Variants in POTEJ observed in about 807,000 individuals in gnomAD.
POTEJ encodes the protein POTE ankyrin domain family, member J.
Under a neutral mutation model 69.0 loss-of-function variants are expected in POTEJ, and 11 were observed. The ratio of observed to expected loss-of-function variants is 0.16; its 90% CI spans 0.10 to 0.26. The LOEUF is 0.26. Among genes scored for constraint, POTEJ ranks in the 10% least tolerant of loss-of-function variants. The pLI is 1.00. For synonymous variants in POTEJ, 117 were observed against 381.1 expected, an observed-to-expected ratio of 0.31 and a Z score of 8.07; for missense variants, 327 against 1,045.5, an observed-to-expected ratio of 0.31 and a Z score of 9.48.
intron 10 of POTEJ, among the ~76,000 whole-genome samples, chr2:130,642,129 G>A (rs1686404537): frequency 6.7e-6 from 1 of 149,268 alleles, no homozygotes; most frequent in South Asian, 2.1e-4. Flanking sequence ...TGTGCTTTGT[G>A]TTTTTCCCTC....
At chr2:130,642,825 C>T (rs1470424400) in intron 10 of POTEJ, among the ~76,000 whole-genome samples, 2 of 151,768 alleles carry the variant, frequency 1.3e-5, no homozygotes, top group African/African-American at 4.9e-5. Context: ...AGGCCTCGCT[C>T]CCGCTCTTGC....
At chr2:130,615,797 A>G (rs1283801470) in intron 1 of POTEJ, among the ~76,000 whole-genome samples, 1 of 148,054 alleles carries the variant, frequency 6.8e-6, no homozygotes, top group African/African-American at 2.6e-5. Flanking sequence ...AGTTTCATAA[A>G]TCCATTTTAA....
At position 130,611,780 on chromosome 2, in the gene POTEJ, G is replaced by T; in HGVS notation, c.248G>T (p.Trp83Leu). Residue 83 changes from tryptophan (W) to leucine (L), a missense_variant, in exon 1 of 15, where the codon TGG becomes TTG. Transcript: ENST00000409602. ...RGSGKSNVGA[W>L]GDYDDSAFVE... ...AGCGGCAAGAGCAACGTGGGTGCTTGGGGAGACTACGACGACAGCGCCTTC... is the reference window on the plus strand; with the variant it reads ...AGCGGCAAGAGCAACGTGGGTGCTTTGGGAGACTACGACGACAGCGCCTTC... 1 of 1,470,912 alleles carries T rather than the reference G, an allele frequency of 6.8e-7. No homozygotes were observed. Among genetic ancestry groups the T allele is most frequent in the East Asian group, 2.3e-5 (1 of 44,254 alleles). 91.1% of individuals were successfully genotyped at this position (1,470,912 alleles called of 1,614,324 possible). A position where few individuals can be genotyped will look rare whatever the true frequency, so the allele number is the denominator to read the frequency against.
rs1175326812 is a variant in POTEJ, at chr2:130,629,505, G to T, written c.1016-444G>T. Among the ~76,000 whole-genome samples the T allele has an allele frequency of 2.1e-5, 3 of 140,320 alleles. 1 individual carries two copies. The highest frequency in any genetic ancestry group is 4.6e-5 in the Non-Finnish European group (3 of 65,840). 92.1% of individuals were successfully genotyped at this position (140,320 alleles called of 152,430 possible). The stretch of plus-strand genomic sequence containing the variant: ...GGATGTCTGGAGCCCATACCTGTGG[G>T]CTCTGGCTTTTCAGGCAGGGTCACC... On this transcript the variant is annotated intron_variant, in intron 6 of 14. Transcript: ENST00000409602.
At chr2:130,639,977 G>A (rs1686284165) in intron 10 of POTEJ, among the ~76,000 whole-genome samples, 2 of 152,128 alleles carry the variant, frequency 1.3e-5, no homozygotes, top group African/African-American at 4.8e-5. Flanking sequence ...AGTGCTTACT[G>A]TGTGCTAGAT....
rs1558937368 is a variant in POTEJ at position 130,657,526 on chromosome 2, G to C, written c.2766G>C (p.Glu922Asp). 6.4e-7 allele frequency: 1 copy of C among 1,567,322 alleles called. No homozygotes were observed. Among genetic ancestry groups the C allele is most frequent in the East Asian group, 2.2e-5 (1 of 44,820 alleles). The change falls in exon 15 of 15, where the codon GAG becomes GAC. Residue 922 changes from glutamate (E) to aspartate (D), a missense_variant. By Grantham distance (45) the Glu-to-Asp change is conservative (BLOSUM62 2). Coordinates refer to ENST00000409602, the MANE Select transcript of POTEJ (RefSeq NM_001277083.2). ...TISNEWFRCP[E>D]ALFQPCFLGM... ...GCAACGAGTGGTTCCGCTGCCCCGA[G>C]GCGCTCTTCCAGCCTTGCTTCCTGG...
At chr2:130,633,424 AATTATC>A (rs1303036093) in intron 9 of POTEJ, among the ~76,000 whole-genome samples, 1 of 138,092 alleles carries the variant, frequency 7.2e-6, no homozygotes, top group African/African-American at 2.8e-5. Flanking sequence ...ATCAATAGGA[AATTATC>A]ATTATCAAAA....
intron 6 of POTEJ, among the ~76,000 whole-genome samples, chr2:130,625,127 G>T (rs1172586803): frequency 6.6e-6 from 1 of 152,178 alleles, no homozygotes; most frequent in Non-Finnish European, 1.5e-5. Context: ...TTATCAAAGA[G>T]CTTTTGTAAG....
rs1191649803 is a variant in POTEJ at position 130,657,405 on chromosome 2, T to G, written c.2645T>G (p.Val882Gly). 1.9e-6 allele frequency: 3 copies of G among 1,594,138 alleles called. No individual in the cohort carries two copies. The highest frequency in any genetic ancestry group is 2.2e-5 in the South Asian group (2 of 90,922). The change falls in exon 15 of 15, where the codon GTT becomes GGT. Residue 882 changes from valine to glycine, a missense_variant. Val to Gly is a moderately radical substitution (Grantham distance 109). Coordinates refer to ENST00000409602, the MANE Select transcript of POTEJ (RefSeq NM_001277083.2). ...GACATCAAAGAGAAGCTGTGCTATG[T>G]TGCCCTGGACTTCGAGCAGGAGATG... ...VRDIKEKLCY[V>G]ALDFEQEMAM...
At chr2:130,644,443 T>C (rs1686511087) in intron 11 of POTEJ, among the ~76,000 whole-genome samples, 1 of 152,086 alleles carries the variant, frequency 6.6e-6, no homozygotes, top group South Asian at 2.1e-4. Context: ...CACTCCAGCC[T>C]GGGTGACAGA....
chr2:130,627,264 T>A (rs2105216166), intron 6 of POTEJ, among the ~76,000 whole-genome samples: 1 of 151,396 alleles, frequency 6.6e-6, no homozygotes, highest in East Asian at 1.9e-4. Context: ...CCTACTAGTT[T>A]GACTCTCACT....
At chr2:130,637,594 C>T (rs1355426431) in intron 9 of POTEJ, among the ~76,000 whole-genome samples, 7 of 152,164 alleles carry the variant, frequency 4.6e-5, no homozygotes, top group South Asian at 4.1e-4. Flanking sequence ...TTGTGATTTG[C>T]GCAATAAAAA....
chr2:130,637,525 A>G (rs1296549644), intron 9 of POTEJ, among the ~76,000 whole-genome samples: 5 of 151,966 alleles, frequency 3.3e-5, no homozygotes, highest in African/African-American at 1.2e-4. Flanking sequence ...CTGTTTGCTG[A>G]GTAGCTTTAA....
At chr2:130,623,648 A>G (rs568057981) in intron 5 of POTEJ, among the ~76,000 whole-genome samples, 3,046 of 122,238 alleles carry the variant, frequency 0.025, 207 homozygotes, top group Non-Finnish European at 0.039. Flanking sequence ...GCATTTAAAA[A>G]ATGTTATCTC....
intron 6 of POTEJ, among the ~76,000 whole-genome samples, chr2:130,624,876 C>T (rs1315500757): frequency 1.3e-5 from 2 of 152,128 alleles, no homozygotes; most frequent in South Asian, 2.1e-4. Flanking sequence ...ATGTGTTCTC[C>T]TACCTGCTGG....
chr2:130,641,098 T>C (rs1177776949), intron 10 of POTEJ, among the ~76,000 whole-genome samples: 2 of 152,190 alleles, frequency 1.3e-5, no homozygotes, highest in African/African-American at 4.8e-5. Context: ...AAAGCCACCA[T>C]GATTATATGT....
rs1687060178 is a variant in POTEJ at position 130,657,538 on chromosome 2, G to T, written c.2778G>T (p.Gln926His). The T allele has an allele frequency of 6.4e-7, 1 of 1,565,190 alleles. No homozygotes were observed. Among genetic ancestry groups the T allele is most frequent in the South Asian group, 1.1e-5 (1 of 90,370 alleles). Residue 926 changes from glutamine to histidine, a missense_variant, in exon 15 of 15, where the codon CAG becomes CAT. Coordinates refer to ENST00000409602, the MANE Select transcript of POTEJ (RefSeq NM_001277083.2). ...TCCGCTGCCCCGAGGCGCTCTTCCA[G>T]CCTTGCTTCCTGGGCATGGAATCCT... is the stretch of plus-strand genomic sequence containing the variant. ...EWFRCPEALF[Q>H]PCFLGMESCG...
At chr2:130,629,011 C>T (rs570970277) in intron 6 of POTEJ, among the ~76,000 whole-genome samples, 13 of 151,004 alleles carry the variant, frequency 8.6e-5, no homozygotes, top group Admixed American at 2.0e-4. Context: ...AGAGCAAGAC[C>T]CTGGCTCAAA....
At chr2:130,645,656 A>G in intron 11 of POTEJ, 81 bp from the exon 12 acceptor site, 1 of 293,466 alleles carries the variant, frequency 3.4e-6, no homozygotes, top group East Asian at 5.1e-5. Flanking sequence ...GAATAAAATT[A>G]TTTTAAAAAC....
Sources: allele counts gnomAD v4.1 joint callset (sites outside exome capture counted in the v4.1 genomes callset), GRCh38; gene constraint gnomAD v4.1.1; transcripts MANE v1.5; gene names NCBI Gene and HGNC (gene_info 2026-07-23, HGNC 2026-07-21).